The following F13B variants were observed in gnomAD, a reference collection of about 807,000 sequenced individuals.
The protein encoded by F13B is coagulation factor XIII B chain.
F13B carries 58 observed loss-of-function variants against 79.8 expected under a neutral mutation model. The observed-to-expected ratio is 0.73, with a 90% CI of 0.59 to 0.90. The LOEUF is 0.90. Ranked by LOEUF, F13B falls within the 40% of genes least tolerant of loss-of-function variation. F13B has a pLI of 0.00. For synonymous variants in F13B, 283 were observed against 260.3 expected (o/e 1.09, Z -0.84); for missense variants, 773 against 777.0 (o/e 0.99, Z 0.06).
chr1:197,059,861 A>G (rs1486591347), intron 5 of F13B, among the ~76,000 whole-genome samples: 3 of 152,190 alleles, frequency 2.0e-5, no homozygotes, highest in Non-Finnish European at 2.9e-5. Flanking sequence ...AGTAATAGAA[A>G]TGTGACCATA....
rs1348471495 is a variant in F13B at position 197,052,752 on chromosome 1, T to C, written c.1437A>G (p.Gly479=). ...KWKYEGKVLH[G]DLIDFVCKQG... Reference sequence around the variant, plus strand: ...GTTTACATACAAAATCTATTAAATCTCCATGTAAGACTTTCCCTTCATATT... The same window carrying C: ...GTTTACATACAAAATCTATTAAATCCCCATGTAAGACTTTCCCTTCATATT... Residue 479 remains glycine, a synonymous_variant, in exon 9 of 12, where the codon GGA becomes GGG. Coordinates refer to ENST00000367412, the MANE Select transcript of F13B (RefSeq NM_001994.3). 1 of 1,611,198 alleles carries C rather than the reference T, an allele frequency of 6.2e-7. No homozygotes were observed. Among genetic ancestry groups the C allele is most frequent in the Non-Finnish European group, 8.5e-7 (1 of 1,178,522 alleles).
chr1:197,052,963 TCTCACACA>T (rs1655502996), intron 8 of F13B, 129 bp from the exon 9 acceptor site: 1 of 630,096 alleles, frequency 1.6e-6, no homozygotes, highest in East Asian at 2.8e-5. Flanking sequence ...TTAAGGCTTC[TCTCACACA>T]CATATATATA....
At position 197,039,170 on chromosome 1, in the gene F13B, T is replaced by A. The variant is rs556119836; in HGVS notation, c.*208A>T. 5.6e-6 allele frequency: 3 copies of A among 534,250 alleles called. No homozygotes were observed. The East Asian group carries it at 9.3e-5, about 17-fold the overall frequency. The allele number at this position is 534,250 out of a possible 1,614,324, so 33.1% of individuals were successfully genotyped here. On this transcript the variant is annotated 3_prime_UTR_variant, in exon 12 of 12. Transcript: ENST00000367412. ...ACAGATGGAAGACATACAAAAGAGA[T>A]TAAGTTCTACATCAAATCATACAAA... is the stretch of plus-strand genomic sequence containing the variant.
intron 10 of F13B, among the ~76,000 whole-genome samples, chr1:197,043,007 A>G (rs1156999923): frequency 6.6e-6 from 1 of 151,918 alleles, no homozygotes; most frequent in African/African-American, 2.4e-5. Context: ...CAGGACTTGA[A>G]GAATAAAGAA....
At chr1:197,054,198 T>C (rs1015862279) in intron 8 of F13B, among the ~76,000 whole-genome samples, 36 of 152,130 alleles carry the variant, frequency 2.4e-4, no homozygotes, top group African/African-American at 8.7e-4. Context: ...GTTCCAGATA[T>C]AGAATGATGT....
chr1:197,041,850 T>A (rs1290178115), intron 10 of F13B, among the ~76,000 whole-genome samples: 1 of 152,182 alleles, frequency 6.6e-6, no homozygotes, highest in Non-Finnish European at 1.5e-5. Flanking sequence ...CTTCACACTT[T>A]CATAGACAGA....
chr1:197,057,573 G>A (rs1655695074), intron 5 of F13B, 108 bp from the exon 6 acceptor site: 6 of 1,162,794 alleles, frequency 5.2e-6, no homozygotes, highest in South Asian at 4.2e-5. Context: ...ATGGCAGACT[G>A]ATTCTAGGAG....
At chr1:197,043,035 T>C (rs1655100371) in intron 10 of F13B, among the ~76,000 whole-genome samples, 1 of 151,680 alleles carries the variant, frequency 6.6e-6, no homozygotes, top group South Asian at 2.1e-4. Context: ...GGATAGGAAG[T>C]GTAGAGATAT....
At chr1:197,040,460 G>T in intron 11 of F13B, 62 bp downstream of exon 11, 2 of 1,165,538 alleles carry the variant, frequency 1.7e-6, no homozygotes, top group Non-Finnish European at 2.6e-6. Flanking sequence ...TAACATTTCT[G>T]AAATGTTGAA....
intron 3 of F13B, 41 bp downstream of exon 3, chr1:197,061,743 G>C: frequency 6.5e-7 from 1 of 1,526,740 alleles, no homozygotes; most frequent in South Asian, 1.1e-5. Context: ...ATATAAGCTT[G>C]ATAAGCACTT....
intron 5 of F13B, among the ~76,000 whole-genome samples, chr1:197,057,951 G>A (rs1655710047): frequency 6.6e-6 from 1 of 152,186 alleles, no homozygotes; most frequent in Non-Finnish European, 1.5e-5. Context: ...GTCTTGCCCA[G>A]TCAAGCCTCA....
At chr1:197,040,040 G>C (rs1654980377) in intron 11 of F13B, 1 of 153,298 alleles carries the variant, frequency 6.5e-6, no homozygotes, top group South Asian at 2.0e-4. Flanking sequence ...TTTCCTGTAA[G>C]TAGCAGAGGA....
intron 10 of F13B, among the ~76,000 whole-genome samples, chr1:197,044,146 A>C (rs1655141771): frequency 6.6e-6 from 1 of 152,072 alleles, no homozygotes; most frequent in African/African-American, 2.4e-5. Flanking sequence ...TGGGCAGCAC[A>C]GTGAGAAATG....
intron 1 of F13B, among the ~76,000 whole-genome samples, chr1:197,064,206 C>A (rs1330771330): frequency 6.6e-6 from 1 of 152,070 alleles, no homozygotes; most frequent in Non-Finnish European, 1.5e-5. Flanking sequence ...ATTTCTACAA[C>A]TGAAAGTATA....
chr1:197,049,032 A>G (rs1467736272), intron 10 of F13B, among the ~76,000 whole-genome samples: 1 of 152,034 alleles, frequency 6.6e-6, no homozygotes, highest in Non-Finnish European at 1.5e-5. Context: ...CACAGAGAAT[A>G]TATCAAAATG....
At chr1:197,055,949 T>C in intron 7 of F13B, 52 bp from the exon 8 acceptor site, 1 of 1,340,850 alleles carries the variant, frequency 7.5e-7, no homozygotes, top group Non-Finnish European at 1.1e-6. Context: ...CAATATACTA[T>C]AGTAACTCAT....
chr1:197,061,030 G>T lies in F13B; in HGVS notation c.497C>A (p.Thr166Lys). The T allele has an allele frequency of 6.2e-7, 1 of 1,600,054 alleles. No homozygotes were observed. The highest frequency in any genetic ancestry group is 8.6e-7 in the Non-Finnish European group (1 of 1,168,738). ...GTCCTTCACTTTGAATGTTTTCTGTGTTGTGGAATAATTTCCATTATATAA... is the reference window on the plus strand; with the variant it reads ...GTCCTTCACTTTGAATGTTTTCTGTTTTGTGGAATAATTTCCATTATATAA... ...PELYNGNYST[T>K]QKTFKVKDKV... Residue 166 changes from threonine (T) to lysine (K), a missense_variant, in exon 4 of 12, where the codon ACA (threonine) becomes AAA (lysine). Coordinates refer to ENST00000367412, the MANE Select transcript of F13B (RefSeq NM_001994.3).
chr1:197,063,260 A>G (rs1655933695), intron 1 of F13B, among the ~76,000 whole-genome samples: 2 of 152,166 alleles, frequency 1.3e-5, no homozygotes, highest in Admixed American at 6.6e-5. Flanking sequence ...TAAACATCCA[A>G]CAGTCATGAT....
chr1:197,050,897 A>C lies in F13B; in HGVS notation c.1556-18T>G, dbSNP rs1336394349. On this transcript the variant is annotated intron_variant, in intron 9 of 11. Coordinates refer to ENST00000367412, the MANE Select transcript of F13B (RefSeq NM_001994.3). ...TTTAGATTCTGCAAAAATAAGTTTT[A>C]AAGTATACAATGAATTGCTATAATG... 2 of 1,599,762 alleles carry C rather than the reference A, an allele frequency of 1.3e-6. No homozygotes were observed. The highest frequency in any genetic ancestry group is 4.5e-5 in the East Asian group (2 of 44,712).
Sources: gnomAD v4.1 joint callset for allele counts (sites outside exome capture counted in the v4.1 genomes callset) on GRCh38, gnomAD v4.1.1 for gene constraint, MANE v1.5 for transcripts, NCBI Gene and HGNC (gene_info 2026-07-23, HGNC 2026-07-21) for gene names.